The following TEC variants were observed in gnomAD, a reference collection of about 807,000 sequenced individuals.
TEC encodes tyrosine-protein kinase Tec.
A neutral mutation model predicts 93.0 loss-of-function variants in TEC; 72 were observed. The observed-to-expected ratio is 0.77, with a 90% CI of 0.64 to 0.94. The LOEUF is 0.94. TEC is among the 40% of genes least tolerant of loss of function. The pLI is 0.00. For missense variants in TEC, 630 were observed against 757.9 expected, an observed-to-expected ratio of 0.83 and a Z score of 1.98; for synonymous variants, 249 against 247.7, an observed-to-expected ratio of 1.01 and a Z score of -0.05.
intron 9 of TEC, among the ~76,000 whole-genome samples, chr4:48,154,287 AT>A (rs1720305590): frequency 6.6e-6 from 1 of 152,234 alleles, no homozygotes; most frequent in Non-Finnish European, 1.5e-5. Flanking sequence ...TAATTCAGAC[AT>A]TTTGCCTAGA....
chr4:48,168,511 A>G (rs918560841), intron 6 of TEC, 75 bp downstream of exon 6: 1 of 1,513,454 alleles, frequency 6.6e-7, no homozygotes, highest in East Asian at 2.3e-5. Context: ...TCAGTAAGTC[A>G]CAAACACTAC....
At chr4:48,262,547 T>G (rs1461175637) in intron 1 of TEC, among the ~76,000 whole-genome samples, 1 of 152,108 alleles carries the variant, frequency 6.6e-6, no homozygotes, top group Non-Finnish European at 1.5e-5. Flanking sequence ...TCTGGAAAAT[T>G]CATTCAGTAT....
intron 1 of TEC, among the ~76,000 whole-genome samples, chr4:48,236,574 G>A (rs746639411): frequency 5.3e-5 from 8 of 152,146 alleles, no homozygotes; most frequent in African/African-American, 1.2e-4. Context: ...GAGCCACCGC[G>A]CCGGGCCACA....
intron 5 of TEC, among the ~76,000 whole-genome samples, chr4:48,169,018 A>G (rs942756759): frequency 2.0e-5 from 3 of 152,202 alleles, no homozygotes; most frequent in Admixed American, 1.3e-4. Context: ...TGGCTGACAC[A>G]TGGCTACCCA....
chr4:48,258,114 A>T (rs1452769584), intron 1 of TEC, among the ~76,000 whole-genome samples: 1 of 150,610 alleles, frequency 6.6e-6, no homozygotes, highest in Admixed American at 6.6e-5. Flanking sequence ...GTACAGATCG[A>T]TTCATTTTAT....
chr4:48,248,304 G>A (rs1195986331), intron 1 of TEC, among the ~76,000 whole-genome samples: 1 of 152,208 alleles, frequency 6.6e-6, no homozygotes, highest in Non-Finnish European at 1.5e-5. Context: ...CCTCATTCAC[G>A]CTTCTGGCAA....
chr4:48,171,883 T>G (rs1168392783), intron 3 of TEC, among the ~76,000 whole-genome samples: 1 of 152,374 alleles, frequency 6.6e-6, no homozygotes. Flanking sequence ...AGCACTGTGC[T>G]GTGTGCTTTA....
At chr4:48,251,303 G>C (rs541600450) in intron 1 of TEC, among the ~76,000 whole-genome samples, 1 of 152,224 alleles carries the variant, frequency 6.6e-6, no homozygotes, top group South Asian at 2.1e-4. Context: ...CTACCTGGAA[G>C]AGTGCTCCAT....
chr4:48,200,309 T>A (rs1323865955), intron 2 of TEC, among the ~76,000 whole-genome samples: 1 of 152,030 alleles, frequency 6.6e-6, no homozygotes, highest in Non-Finnish European at 1.5e-5. Flanking sequence ...GAATTGCAGA[T>A]CAATGTGGAC....
intron 14 of TEC, among the ~76,000 whole-genome samples, chr4:48,144,550 G>A (rs1052011980): frequency 6.6e-6 from 1 of 152,100 alleles, no homozygotes; most frequent in Non-Finnish European, 1.5e-5. Flanking sequence ...ATTTAGAACT[G>A]GTAACGGATT....
At chr4:48,258,593 G>C (rs770234282) in intron 1 of TEC, among the ~76,000 whole-genome samples, 1 of 152,126 alleles carries the variant, frequency 6.6e-6, no homozygotes, top group Non-Finnish European at 1.5e-5. Context: ...AACCATATCT[G>C]TATTCTGATA....
chr4:48,156,805 A>G (rs1720422597), intron 8 of TEC, 71 bp from the exon 9 acceptor site: 1 of 1,216,502 alleles, frequency 8.2e-7, no homozygotes, highest in East Asian at 2.5e-5. Context: ...CAGAATTAAT[A>G]AAGTAATTCT....
At chr4:48,258,116 T>G (rs1270463217) in intron 1 of TEC, among the ~76,000 whole-genome samples, 3 of 151,696 alleles carry the variant, frequency 2.0e-5, no homozygotes, top group African/African-American at 7.3e-5. Context: ...ACAGATCGAT[T>G]CATTTTATCT....
At chr4:48,145,040 A>G in intron 14 of TEC, 39 bp downstream of exon 14, 1 of 1,585,346 alleles carries the variant, frequency 6.3e-7, no homozygotes, top group Non-Finnish European at 8.7e-7. Flanking sequence ...TTACAAAGGA[A>G]TTCAGCCAAT....
At chr4:48,260,415 C>A (rs186425880) in intron 1 of TEC, among the ~76,000 whole-genome samples, 16 of 152,252 alleles carry the variant, frequency 1.1e-4, no homozygotes, top group African/African-American at 3.4e-4. Context: ...AAGGCCTCAT[C>A]GCTGCTTAAT....
At chr4:48,248,800 G>A (rs971822060) in intron 1 of TEC, among the ~76,000 whole-genome samples, 1 of 151,934 alleles carries the variant, frequency 6.6e-6, no homozygotes, top group African/African-American at 2.4e-5. Context: ...TACTCATCAG[G>A]TGGAAAGATG....
intron 2 of TEC, among the ~76,000 whole-genome samples, chr4:48,218,337 G>A (rs1381291800): frequency 6.6e-6 from 1 of 152,072 alleles, no homozygotes; most frequent in Non-Finnish European, 1.5e-5. Context: ...TGTTGTTGTT[G>A]TTATACAGAA....
chr4:48,184,369 A>G (rs1325873768), intron 2 of TEC, among the ~76,000 whole-genome samples: 1 of 152,254 alleles, frequency 6.6e-6, no homozygotes, highest in Non-Finnish European at 1.5e-5. Flanking sequence ...TAGCTTGTAT[A>G]CAACTATAAA....
At chr4:48,168,098 A>G in intron 6 of TEC, 145 bp from the exon 7 acceptor site, 1 of 716,272 alleles carries the variant, frequency 1.4e-6, no homozygotes, top group South Asian at 1.9e-5. Context: ...TCTCATGAAG[A>G]AGAGTATTAT....
Sources: gnomAD v4.1 joint callset for allele counts (sites outside exome capture counted in the v4.1 genomes callset) on GRCh38, gnomAD v4.1.1 for gene constraint, MANE v1.5 for transcripts, NCBI Gene and HGNC (gene_info 2026-07-23, HGNC 2026-07-21) for gene names.